Variants in SLC35F1 observed in about 807,000 individuals in gnomAD.
SLC35F1 encodes chromosome 6 open reading frame 169.
A neutral mutation model predicts 48.7 loss-of-function variants in SLC35F1; 14 were observed. That is an observed-to-expected ratio of 0.29 (90% CI 0.19 to 0.45). The LOEUF is 0.45. SLC35F1 is among the 20% of genes least tolerant of loss of function. The probability of loss-of-function intolerance (pLI) is 1.00; values close to 1 mark genes in which losing one functional copy is unlikely to be tolerated. For synonymous variants in SLC35F1, 190 were observed against 202.2 expected (o/e 0.94, Z 0.51); for missense variants, 404 against 500.0 (o/e 0.81, Z 1.83).
rs193142380 is a variant in SLC35F1 at position 118,232,290 on chromosome 6, G to A, written c.350-3219G>A. 4.0e-3 allele frequency among the ~76,000 whole-genome samples: 612 copies of A among 152,238 alleles called. 1 individual carries two copies. Among genetic ancestry groups the A allele is most frequent in the Non-Finnish European group, 6.2e-3 (420 of 68,016 alleles). ...GTGTTGACTGGGCATAGTGGCTTAC[G>A]CCTGTAATCCCAGCACTTTGGGAGG... is the stretch of plus-strand genomic sequence containing the variant. On this transcript the variant is annotated intron_variant, in intron 2 of 7. Coordinates refer to ENST00000360388, the MANE Select transcript of SLC35F1 (RefSeq NM_001029858.4).
chr6:118,283,121 G>A lies in SLC35F1; in HGVS notation c.848-2063G>A, dbSNP rs148395371. ...CCCAATTTTCCAGCTTCCTCTGCCC[G>A]TTCTCTTCATTCTGCTCAGCCATTG... On this transcript the variant is annotated intron_variant, in intron 6 of 7. Coordinates refer to ENST00000360388, the MANE Select transcript of SLC35F1 (RefSeq NM_001029858.4). Among the ~76,000 whole-genome samples, 707 of 152,162 alleles carry A rather than the reference G, an allele frequency of 4.6e-3. 10 individuals are homozygous for A. The highest frequency in any genetic ancestry group is 0.016 in the African/African-American group (644 of 41,498).
intron 1 of SLC35F1, among the ~76,000 whole-genome samples, chr6:117,935,842 TC>T (rs1776156668): frequency 6.6e-6 from 1 of 152,208 alleles, no homozygotes; most frequent in Non-Finnish European, 1.5e-5. Flanking sequence ...TAGATGTATG[TC>T]TGTGAATGAT....
At chr6:118,057,843 G>A (rs1352759470) in intron 1 of SLC35F1, among the ~76,000 whole-genome samples, 1 of 152,108 alleles carries the variant, frequency 6.6e-6, no homozygotes, top group Non-Finnish European at 1.5e-5. Flanking sequence ...TTTGAGGAAT[G>A]GATTTCTGTT....
chr6:118,302,989 A>AAC (rs959077569), intron 7 of SLC35F1, among the ~76,000 whole-genome samples: 1 of 151,640 alleles, frequency 6.6e-6, no homozygotes, highest in Non-Finnish European at 1.5e-5. Context: ...AGAAAAAAAA[A>AAC]AAAACATTAA....
rs372979911 is a variant in SLC35F1, at chr6:118,222,482, G to C, written c.350-13027G>C. Among the ~76,000 whole-genome samples the C allele has an allele frequency of 4.5e-4, 68 of 151,428 alleles. No homozygotes were observed. The South Asian group carries it at 0.013, about 28-fold the overall frequency. The stretch of plus-strand genomic sequence containing the variant: ...GTAATGCTAGTAACTTGACCTTCAA[G>C]GCCTATTTTCACTAATTTATTGGGG... On this transcript the variant is annotated intron_variant, in intron 2 of 7. Transcript: ENST00000360388.
At chr6:118,067,834 C>G (rs1483642507) in intron 1 of SLC35F1, among the ~76,000 whole-genome samples, 4 of 152,088 alleles carry the variant, frequency 2.6e-5, no homozygotes, top group Non-Finnish European at 5.9e-5. Flanking sequence ...CTGTGCCCCA[C>G]TCCTGAGTGT....
chr6:118,032,658 G>T (rs1772071195), intron 1 of SLC35F1, among the ~76,000 whole-genome samples: 1 of 152,144 alleles, frequency 6.6e-6, no homozygotes, highest in South Asian at 2.1e-4. Context: ...TGATAAAAAT[G>T]ATTCTTAGAA....
At chr6:118,061,590 G>GTATATATATATATATATA (rs58046512) in intron 1 of SLC35F1, among the ~76,000 whole-genome samples, 241 of 144,380 alleles carry the variant, frequency 1.7e-3, no homozygotes, top group African/African-American at 5.8e-3. Context: ...GTGTGTGTGT[G>GTATATATATATATATATA]TATATATATA....
intron 7 of SLC35F1, among the ~76,000 whole-genome samples, chr6:118,292,350 C>G (rs1776135037): frequency 1.3e-5 from 2 of 152,106 alleles, no homozygotes; most frequent in South Asian, 2.1e-4. Context: ...ACATTGTTAA[C>G]AAGTAGCTGA....
At chr6:118,039,734 G>A (rs1772183963) in intron 1 of SLC35F1, among the ~76,000 whole-genome samples, 1 of 142,456 alleles carries the variant, frequency 7.0e-6, no homozygotes, top group Non-Finnish European at 1.5e-5. Flanking sequence ...TGTTCTTCTT[G>A]TAGCAAAATT....
intron 1 of SLC35F1, among the ~76,000 whole-genome samples, chr6:118,084,768 G>T (rs537170485): frequency 6.6e-6 from 1 of 151,980 alleles, no homozygotes; most frequent in Admixed American, 6.6e-5. Context: ...GGTGGACAGG[G>T]TGCTGGGGAA....
intron 1 of SLC35F1, among the ~76,000 whole-genome samples, chr6:117,908,637 A>C (rs1775726679): frequency 6.6e-6 from 1 of 152,262 alleles, no homozygotes; most frequent in South Asian, 2.1e-4. Flanking sequence ...TAGTGGATTC[A>C]GGACGTTGAC....
chr6:118,075,436 T>G (rs1265413515), intron 1 of SLC35F1, among the ~76,000 whole-genome samples: 1 of 152,238 alleles, frequency 6.6e-6, no homozygotes, highest in Non-Finnish European at 1.5e-5. Context: ...TGTGGTCACA[T>G]ATCCAGATTG....
At chr6:118,076,776 C>G (rs1772828155) in intron 1 of SLC35F1, among the ~76,000 whole-genome samples, 1 of 152,174 alleles carries the variant, frequency 6.6e-6, no homozygotes, top group Admixed American at 6.5e-5. Flanking sequence ...TTACGATATA[C>G]TGAATGATTC....
chr6:118,286,212 G>A (rs562617543), intron 7 of SLC35F1, among the ~76,000 whole-genome samples: 23 of 152,110 alleles, frequency 1.5e-4, no homozygotes, highest in Non-Finnish European at 2.9e-4. Context: ...AGAAGAAGAG[G>A]CAGAAGAAAA....
chr6:118,178,072 G>T (rs2114505730), intron 2 of SLC35F1, among the ~76,000 whole-genome samples: 1 of 152,142 alleles, frequency 6.6e-6, no homozygotes, highest in Non-Finnish European at 1.5e-5. Context: ...TGCAGCTCAA[G>T]TATCTCCCAA....
At chr6:118,140,822 C>T (rs1273253508) in intron 1 of SLC35F1, among the ~76,000 whole-genome samples, 1 of 151,304 alleles carries the variant, frequency 6.6e-6, no homozygotes, top group African/African-American at 2.4e-5. Context: ...TTAGTTTTAA[C>T]AAAAAAGTTT....
chr6:118,205,832 C>A (rs1582729048), intron 2 of SLC35F1, among the ~76,000 whole-genome samples: 2 of 152,076 alleles, frequency 1.3e-5, no homozygotes, highest in African/African-American at 4.8e-5. Context: ...ATATATGATA[C>A]AATATGGACT....
At chr6:118,097,545 C>G (rs1773194862) in intron 1 of SLC35F1, among the ~76,000 whole-genome samples, 1 of 152,142 alleles carries the variant, frequency 6.6e-6, no homozygotes, top group Admixed American at 6.5e-5. Flanking sequence ...TGATGGAAAC[C>G]ATTTTGGTCT....
Sources: allele counts gnomAD v4.1 joint callset (sites outside exome capture counted in the v4.1 genomes callset), GRCh38; gene constraint gnomAD v4.1.1; transcripts MANE v1.5; gene names NCBI Gene and HGNC (gene_info 2026-07-23, HGNC 2026-07-21).